The following HDLBP variants were observed in gnomAD, a reference collection of about 807,000 sequenced individuals.
HDLBP encodes the protein high density lipoprotein binding protein, also known as vigilin.
In HDLBP, 30 loss-of-function variants were observed where a neutral mutation model predicts 137.3. The observed-to-expected ratio is 0.22, with a 90% CI of 0.16 to 0.30. The LOEUF is 0.30. Ranked by LOEUF, HDLBP falls within the 10% of genes least tolerant of loss-of-function variation. The pLI, the probability that HDLBP is intolerant of heterozygous loss-of-function variation, is 1.00. For synonymous variants in HDLBP, 606 were observed against 596.0 expected, an observed-to-expected ratio of 1.02 and a Z score of -0.24; for missense variants, 1,119 against 1,667.3, an observed-to-expected ratio of 0.67 and a Z score of 5.73.
chr2:241,241,771 C>A (rs968164844), intron 17 of HDLBP, among the ~76,000 whole-genome samples: 1 of 151,896 alleles, frequency 6.6e-6, no homozygotes, highest in East Asian at 1.9e-4. Flanking sequence ...TCTGTTAAGT[C>A]GAACATAAAA....
rs371098040 is a variant in HDLBP, at chr2:241,278,507, C to T, written c.-102-9966G>A. On this transcript the variant is annotated intron_variant, in intron 1 of 27. Transcript: ENST00000310931. ...CTGAGGCAGGAGGATTGCTTGAACCCGGGAGGTGGAGGTTGCAGTGAAACA... is the reference window on the plus strand; with the variant it reads ...CTGAGGCAGGAGGATTGCTTGAACCTGGGAGGTGGAGGTTGCAGTGAAACA... Among the ~76,000 whole-genome samples, 111 of 151,768 alleles carry T rather than the reference C, an allele frequency of 7.3e-4. No individual in the cohort carries two copies. In the East Asian group the frequency reaches 0.02, roughly 27 times the overall value.
intron 1 of HDLBP, among the ~76,000 whole-genome samples, chr2:241,276,345 T>G (rs990140039): frequency 6.6e-6 from 1 of 152,210 alleles, no homozygotes; most frequent in African/African-American, 2.4e-5. Context: ...TTCAGCGGTA[T>G]TCATTACGAT....
chr2:241,311,904 T>C (rs1195670549), intron 1 of HDLBP, among the ~76,000 whole-genome samples: 2 of 152,216 alleles, frequency 1.3e-5, no homozygotes, highest in African/African-American at 4.8e-5. Flanking sequence ...AGGAACTTCC[T>C]ACCTATTCTC....
At chr2:241,306,673 C>T (rs1041735720) in intron 1 of HDLBP, among the ~76,000 whole-genome samples, 5 of 151,790 alleles carry the variant, frequency 3.3e-5, no homozygotes, top group South Asian at 2.1e-4. Context: ...ATTGGGAGGC[C>T]GAGGCTGGCA....
At position 241,238,566 on chromosome 2, in the gene HDLBP, C is replaced by CT; in HGVS notation, c.2749+82dup. On this transcript the variant is annotated intron_variant, in intron 20 of 27. Transcript: ENST00000310931. The surrounding 1 kb of genome is among the most constrained non-coding windows in gnomAD (Gnocchi z 4.9). ...TTTTCCAGCAGAGACAGGAAAGAGCCTCACCAGTATGTGCGACAGCCCCGC... is the reference window on the plus strand; with the variant it reads ...TTTTCCAGCAGAGACAGGAAAGAGCCTTCACCAGTATGTGCGACAGCCCCGC... 2.7e-6 allele frequency: 3 copies of CT among 1,116,902 alleles called. No individual in the cohort carries two copies. The allele number at this position is 1,116,902 out of a possible 1,614,324, so 69.2% of individuals were successfully genotyped here.
intron 1 of HDLBP, among the ~76,000 whole-genome samples, chr2:241,313,454 A>G (rs937121656): frequency 6.6e-6 from 1 of 151,978 alleles, no homozygotes; most frequent in Non-Finnish European, 1.5e-5. Flanking sequence ...TAATTTTTGT[A>G]TTTTTAGTAG....
intron 20 of HDLBP, among the ~76,000 whole-genome samples, chr2:241,237,845 T>C (rs1040719375): frequency 6.6e-6 from 1 of 152,246 alleles, no homozygotes; most frequent in Non-Finnish European, 1.5e-5. Context: ...GTGTAAAACA[T>C]AGACAGAGTG....
chr2:241,249,407 G>A (rs1263743114), intron 12 of HDLBP: 1 of 474,914 alleles, frequency 2.1e-6, no homozygotes, highest in Non-Finnish European at 4.3e-6. Context: ...AAACGTCGGG[G>A]AGCCCAGAGC....
chr2:241,241,566 C>CAAAAAAAAAA, intron 17 of HDLBP, among the ~76,000 whole-genome samples: 1 of 31,432 alleles, frequency 3.2e-5, no homozygotes, highest in Non-Finnish European at 5.0e-5. Context: ...GACTCCGTCT[C>CAAAAAAAAAA]AAAAAAAAAA....
chr2:241,244,652 G>T lies in HDLBP; in HGVS notation c.1951-1974C>A, dbSNP rs572990715. On this transcript the variant is annotated intron_variant, in intron 16 of 27. Transcript: ENST00000310931. ...ACAGAATGTGAAAGAAGTCATTACC[G>T]GATACACACTACGAGAGATGTTGAG... is the stretch of plus-strand genomic sequence containing the variant. 2.0e-5 allele frequency among the ~76,000 whole-genome samples: 3 copies of T among 152,288 alleles called. No homozygotes were observed. In the South Asian group the frequency reaches 6.2e-4, roughly 32 times the overall value.
At chr2:241,267,635 T>C in intron 2 of HDLBP, 1 of 1,535,748 alleles carries the variant, frequency 6.5e-7, no homozygotes, top group South Asian at 1.2e-5. Context: ...GCGGTCTCTC[T>C]CTGCAAGGTG....
intron 1 of HDLBP, among the ~76,000 whole-genome samples, chr2:241,310,923 T>C (rs1412929051): frequency 6.6e-6 from 1 of 152,146 alleles, no homozygotes; most frequent in Non-Finnish European, 1.5e-5. Context: ...AAGATCAGCC[T>C]GGGCAACATA....
Position 241,255,460 on chromosome 2 carries a change from G to C in HDLBP, c.994C>G (p.Pro332Ala). ...GTCTCAGAGATGCTGTCTGAGGGTG[G>C]GATCTCAACGGAAACTCCAGTTCTC... The part of the protein sequence containing the change: ...LERTGVSVEI[P>A]PSDSISETVI... Residue 332 changes from proline to alanine, a missense_variant, in exon 8 of 28, where the codon CCA becomes GCA. Around this residue, in one of 4 missense-constraint regions of HDLBP, gnomAD observed 425 missense variants for 693.9 expected, o/e 0.61. Coordinates refer to ENST00000310931, the MANE Select transcript of HDLBP (RefSeq NM_005336.6). 1 of 1,614,104 alleles carries C rather than the reference G, an allele frequency of 6.2e-7. No homozygotes were observed. The highest frequency in any genetic ancestry group is 8.5e-7 in the Non-Finnish European group (1 of 1,179,958).
intron 1 of HDLBP, chr2:241,273,074 A>C (rs1387414283): frequency 1.0e-6 from 1 of 985,424 alleles, no homozygotes; most frequent in Non-Finnish European, 1.2e-6. Flanking sequence ...CAAGAACCCG[A>C]GTGGAAACAA....
chr2:241,311,672 CAGCA>C (rs1430737243), intron 1 of HDLBP, among the ~76,000 whole-genome samples: 7 of 152,128 alleles, frequency 4.6e-5, no homozygotes, highest in South Asian at 2.1e-4. Flanking sequence ...ACTGAGCAAG[CAGCA>C]AGCAAACAAA....
intron 1 of HDLBP, among the ~76,000 whole-genome samples, chr2:241,307,891 C>T (rs183106194): frequency 8.1e-4 from 117 of 145,010 alleles, no homozygotes; most frequent in African/African-American, 2.8e-3. Flanking sequence ...TTTTTTTTTG[C>T]GATTATAAAC....
chr2:241,272,951 G>C lies in HDLBP; in HGVS notation c.-102-4410C>G. On this transcript the variant is annotated intron_variant, in intron 1 of 27. Transcript: ENST00000310931. This position sits in a 1 kb window ranked among gnomAD's most constrained non-coding sequence, Gnocchi z 5.6. Reference sequence around the variant, plus strand: ...CGCCGCCCCGGGCCGCCCAGCACCCGGGAGGCCCACCCAACTGCAGGCGTG... The same window carrying C: ...CGCCGCCCCGGGCCGCCCAGCACCCCGGAGGCCCACCCAACTGCAGGCGTG... 1.1e-6 allele frequency: 1 copy of C among 923,514 alleles called. No individual in the cohort carries two copies. Among genetic ancestry groups the C allele is most frequent in the Non-Finnish European group, 1.3e-6 (1 of 773,130 alleles). 57.2% of individuals were successfully genotyped at this position (923,514 alleles called of 1,614,324 possible).
chr2:241,233,391 C>T lies in HDLBP; in HGVS notation c.3288+429G>A, dbSNP rs1256048384. 6.6e-6 allele frequency among the ~76,000 whole-genome samples: 1 copy of T among 152,136 alleles called. No individual in the cohort carries two copies. The highest frequency in any genetic ancestry group is 1.5e-5 in the Non-Finnish European group (1 of 68,024). The stretch of plus-strand genomic sequence containing the variant: ...AGTAACAACAAGAGTTTACTAAGGA[C>T]CATCTGGCAAGCACAACGGTGTTTG... On this transcript the variant is annotated intron_variant, in intron 24 of 27. Coordinates refer to ENST00000310931, the MANE Select transcript of HDLBP (RefSeq NM_005336.6). This position sits in a 1 kb window ranked among gnomAD's most constrained non-coding sequence, Gnocchi z 4.3.
At chr2:241,304,737 C>T (rs1364641763) in intron 1 of HDLBP, among the ~76,000 whole-genome samples, 1 of 152,232 alleles carries the variant, frequency 6.6e-6, no homozygotes, top group African/African-American at 2.4e-5. Context: ...GGTCCCACTC[C>T]TGAACTAGAA....
Sources: allele counts gnomAD v4.1 joint callset (sites outside exome capture counted in the v4.1 genomes callset), GRCh38; gene constraint gnomAD v4.1.1; regional missense constraint gnomAD v4.1.1; non-coding constraint Gnocchi (gnomAD v3.1); transcripts MANE v1.5; gene names NCBI Gene and HGNC (gene_info 2026-07-23, HGNC 2026-07-21).